Variants in DMRT1 observed in about 807,000 individuals in gnomAD.
DMRT1 encodes doublesex- and mab-3-related transcription factor 1.
In DMRT1, 7 loss-of-function variants were observed where a neutral mutation model predicts 32.3. That is an observed-to-expected ratio of 0.22 (90% confidence interval 0.12 to 0.41). DMRT1 has a LOEUF of 0.41. DMRT1 is among the 10% of genes least tolerant of loss of function. DMRT1 has a pLI of 1.00. For synonymous variants in DMRT1, 278 were observed against 206.1 expected, an observed-to-expected ratio of 1.35 and a Z score of -2.99; for missense variants, 625 against 500.5, an observed-to-expected ratio of 1.25 and a Z score of -2.37.
chr9:853,282 G>T (rs1815241222), intron 2 of DMRT1, among the ~76,000 whole-genome samples: 1 of 152,016 alleles, frequency 6.6e-6, no homozygotes, highest in South Asian at 2.1e-4. Flanking sequence ...TTGCATAGGG[G>T]TTTGCTCTTG....
chr9:922,919 G>A (rs1347170522), intron 4 of DMRT1, among the ~76,000 whole-genome samples: 16 of 152,134 alleles, frequency 1.1e-4, no homozygotes, highest in Admixed American at 1.0e-3. Context: ...GTCAGTGATG[G>A]GCTCCATGGA....
chr9:853,958 G>A lies in DMRT1; in HGVS notation c.538+6815G>A, dbSNP rs369440273. On this transcript the variant is annotated intron_variant, in intron 2 of 4. Coordinates refer to ENST00000382276, the MANE Select transcript of DMRT1 (RefSeq NM_021951.3). The stretch of plus-strand genomic sequence containing the variant: ...CTACAGGTGCACGCTATCATGCCTG[G>A]CTAATTTTTAAAATTTTTCTTTCTG... Among the ~76,000 whole-genome samples, 82 of 151,690 alleles carry A rather than the reference G, an allele frequency of 5.4e-4. 2 individuals carry two copies. The South Asian group carries it at 0.015, about 28-fold the overall frequency.
intron 2 of DMRT1, among the ~76,000 whole-genome samples, chr9:870,268 G>T (rs546122061): frequency 6.6e-6 from 1 of 152,140 alleles, no homozygotes; most frequent in South Asian, 2.1e-4. Flanking sequence ...GCGTGGTGAC[G>T]TGCACCTGTA....
rs563942786 is a variant in DMRT1, at chr9:845,761, C to T, written c.355-1199C>T. 2.4e-5 allele frequency among the ~76,000 whole-genome samples: 3 copies of T among 127,502 alleles called. No individual in the cohort carries two copies. The East Asian group carries it at 6.1e-4, about 26-fold the overall frequency. The allele number at this position is 127,502 out of a possible 152,430, so 83.6% of individuals were successfully genotyped here. A position where few individuals can be genotyped will look rare whatever the true frequency, so the allele number is the denominator to read the frequency against. ...CAGGAATCAGGGCTCTGCAGGCTTT[C>T]CTAAGCAGACCCTGCCTGCCTTTCC... On this transcript the variant is annotated intron_variant, in intron 1 of 4. Coordinates refer to ENST00000382276, the MANE Select transcript of DMRT1 (RefSeq NM_021951.3).
chr9:951,665 T>A (rs1402656821), intron 4 of DMRT1, among the ~76,000 whole-genome samples: 1 of 152,188 alleles, frequency 6.6e-6, no homozygotes, highest in African/African-American at 2.4e-5. Context: ...CTCCAAGCAA[T>A]ATACTTAAAG....
chr9:887,754 A>G (rs920931407), intron 2 of DMRT1, among the ~76,000 whole-genome samples: 2 of 152,106 alleles, frequency 1.3e-5, no homozygotes, highest in Non-Finnish European at 1.5e-5. Context: ...ATATAGAACC[A>G]TTTGGTGACA....
chr9:953,601 CTGT>C (rs1018022663), intron 4 of DMRT1, among the ~76,000 whole-genome samples: 6 of 152,196 alleles, frequency 3.9e-5, no homozygotes, highest in East Asian at 1.9e-4. Flanking sequence ...GTTGCCACCT[CTGT>C]TGTTGTACTC....
At chr9:886,796 C>T (rs989456480) in intron 2 of DMRT1, among the ~76,000 whole-genome samples, 1 of 152,188 alleles carries the variant, frequency 6.6e-6, no homozygotes, top group African/African-American at 2.4e-5. Context: ...GGCCTGCCAT[C>T]TTTGCTGACA....
At chr9:884,254 G>GCCCAGAGACCA (rs1816839954) in intron 2 of DMRT1, among the ~76,000 whole-genome samples, 1 of 152,000 alleles carries the variant, frequency 6.6e-6, no homozygotes, top group South Asian at 2.1e-4. Flanking sequence ...CTATTAATAT[G>GCCCAGAGACCA]TCATGGGCCC....
rs1486937582 is a variant in DMRT1, at chr9:847,166, C to T, written c.538+23C>T. 6 of 1,609,448 alleles carry T rather than the reference C, an allele frequency of 3.7e-6. No individual in the cohort carries two copies. In the African/African-American group the frequency reaches 8.0e-5, roughly 22 times the overall value. ...CAGGTAATCTGGAGGGGCTGGGGTT[C>T]ACATGGAGGCTGGGCATGAGGGAGG... On this transcript the variant is annotated intron_variant, in intron 2 of 4. Coordinates refer to ENST00000382276, the MANE Select transcript of DMRT1 (RefSeq NM_021951.3).
chr9:906,104 C>T (rs1424826239), intron 3 of DMRT1, among the ~76,000 whole-genome samples: 1 of 152,094 alleles, frequency 6.6e-6, no homozygotes, highest in African/African-American at 2.4e-5. Flanking sequence ...TAACGTGATG[C>T]TTTTGGTCAT....
chr9:857,910 A>C (rs1815472741), intron 2 of DMRT1, among the ~76,000 whole-genome samples: 1 of 151,134 alleles, frequency 6.6e-6, no homozygotes. Context: ...GTTTGCTGAG[A>C]ATGATGGTTT....
At chr9:847,284 G>A (rs567166760) in intron 2 of DMRT1, 141 bp downstream of exon 2, 43 of 845,638 alleles carry the variant, frequency 5.1e-5, no homozygotes, top group Non-Finnish European at 7.0e-5. Flanking sequence ...CCCTGTGAAG[G>A]GCTGTTTGTG....
At chr9:956,219 G>A (rs776355833) in intron 4 of DMRT1, among the ~76,000 whole-genome samples, 1 of 152,212 alleles carries the variant, frequency 6.6e-6, no homozygotes, top group Non-Finnish European at 1.5e-5. Flanking sequence ...ACCTACAGTA[G>A]TCAAAATCAT....
intron 4 of DMRT1, among the ~76,000 whole-genome samples, chr9:946,984 A>G (rs1366336152): frequency 6.6e-6 from 1 of 152,186 alleles, no homozygotes; most frequent in Non-Finnish European, 1.5e-5. Flanking sequence ...CGTCATGCAG[A>G]ATTAGCTAAC....
chr9:936,870 T>A (rs914023586), intron 4 of DMRT1, among the ~76,000 whole-genome samples: 2 of 152,212 alleles, frequency 1.3e-5, no homozygotes, highest in South Asian at 4.1e-4. Context: ...CATTTTAACA[T>A]TTTTAAGCAT....
rs527870094 is a variant in DMRT1, at chr9:873,566, G to A, written c.539-20346G>A. Reference sequence around the variant, plus strand: ...ACTCCCGACCTCAGGTGATCCACCCGCCTTGGCCTCCCAAAATGTTGGGAT... The same window carrying A: ...ACTCCCGACCTCAGGTGATCCACCCACCTTGGCCTCCCAAAATGTTGGGAT... On this transcript the variant is annotated intron_variant, in intron 2 of 4. Transcript: ENST00000382276. 3.3e-5 allele frequency among the ~76,000 whole-genome samples: 5 copies of A among 151,950 alleles called. No individual in the cohort carries two copies. In the South Asian group the frequency reaches 6.2e-4, roughly 19 times the overall value.
intron 4 of DMRT1, among the ~76,000 whole-genome samples, chr9:945,183 T>A (rs1457154547): frequency 2.0e-5 from 3 of 152,192 alleles, no homozygotes; most frequent in African/African-American, 7.2e-5. Context: ...ACATGGAGTC[T>A]TGCTCTGTTG....
intron 2 of DMRT1, among the ~76,000 whole-genome samples, chr9:883,711 G>C (rs576956087): frequency 6.6e-6 from 1 of 151,404 alleles, no homozygotes; most frequent in Non-Finnish European, 1.5e-5. Context: ...AGGATCACTT[G>C]AGCCTAGCAG....
Sources: gnomAD v4.1 joint callset for allele counts (sites outside exome capture counted in the v4.1 genomes callset) on GRCh38, gnomAD v4.1.1 for gene constraint, MANE v1.5 for transcripts, NCBI Gene and HGNC (gene_info 2026-07-23, HGNC 2026-07-21) for gene names.